Variants in UGT1A9 observed in about 807,000 individuals in gnomAD.
UGT1A9 encodes the protein UDP-glucuronosyltransferase 1A9.
Under a neutral mutation model 45.0 loss-of-function variants are expected in UGT1A9, and 35 were observed. The observed-to-expected ratio is 0.78, with a 90% CI of 0.59 to 1.03. The LOEUF (loss-of-function observed/expected upper bound fraction) is 1.03. Among genes scored for constraint, UGT1A9 ranks in the 50% least tolerant of loss-of-function variants. The pLI, the probability that UGT1A9 is intolerant of heterozygous loss-of-function variation, is 0.00. For missense variants in UGT1A9, 687 were observed against 666.6 expected, an observed-to-expected ratio of 1.03 and a Z score of -0.34; for synonymous variants, 278 against 250.6, an observed-to-expected ratio of 1.11 and a Z score of -1.03.
intron 1 of UGT1A9, among the ~76,000 whole-genome samples, chr2:233,739,223 T>C (rs1465216859): frequency 3.3e-5 from 5 of 152,316 alleles, no homozygotes; most frequent in African/African-American, 4.8e-5. Context: ...AGAGTCCTTA[T>C]AGAGAACCTC....
intron 1 of UGT1A9, among the ~76,000 whole-genome samples, chr2:233,764,312 GA>G (rs1174079806): frequency 1.3e-5 from 2 of 152,150 alleles, no homozygotes; most frequent in East Asian, 3.8e-4. Flanking sequence ...AAGTTTAAGG[GA>G]AGCTTTGCCA....
intron 1 of UGT1A9, chr2:233,690,424 A>C (rs1327436019): frequency 8.0e-7 from 1 of 1,244,126 alleles, no homozygotes; most frequent in African/African-American, 1.5e-5. Flanking sequence ...ACCTTCATGC[A>C]CATCTTTGGG....
chr2:233,727,866 T>C (rs1246200452), intron 1 of UGT1A9, among the ~76,000 whole-genome samples: 1 of 152,128 alleles, frequency 6.6e-6, no homozygotes, highest in Non-Finnish European at 1.5e-5. Context: ...AAGGGAAGCC[T>C]CAGCCTCACC....
chr2:233,748,167 T>C, intron 1 of UGT1A9: 1 of 1,593,478 alleles, frequency 6.3e-7, no homozygotes, highest in Admixed American at 1.7e-5. Flanking sequence ...CCATATCTAC[T>C]TATCTTTCTG....
rs555995846 is a variant in UGT1A9, at chr2:233,672,242, G to C, written c.308G>C (p.Arg103Pro). ...FAHAQWKAQV[R>P]SIYSLLMGSY... ...CATGCTCAATGGAAAGCACAAGTACGAAGTATATATTCTCTATTAATGGGT... is the reference window on the plus strand; with the variant it reads ...CATGCTCAATGGAAAGCACAAGTACCAAGTATATATTCTCTATTAATGGGT... Residue 103 changes from arginine to proline, a missense_variant, in exon 1 of 5, where the codon CGA becomes CCA. Transcript: ENST00000354728. 1.2e-6 allele frequency: 2 copies of C among 1,614,052 alleles called. No homozygotes were observed. Among genetic ancestry groups the C allele is most frequent in the African/African-American group, 1.3e-5 (1 of 74,920 alleles).
At chr2:233,718,407 A>G (rs1424568880) in intron 1 of UGT1A9, among the ~76,000 whole-genome samples, 1 of 152,254 alleles carries the variant, frequency 6.6e-6, no homozygotes, top group African/African-American at 2.4e-5. Flanking sequence ...ATAGCGTCAC[A>G]TTCAGCAGAG....
intron 1 of UGT1A9, among the ~76,000 whole-genome samples, chr2:233,711,601 C>T (rs185037582): frequency 2.0e-5 from 3 of 152,298 alleles, no homozygotes; most frequent in Admixed American, 1.3e-4. Context: ...TTCCTGCCTG[C>T]GCCCTCTGGT....
At chr2:233,755,317 G>C (rs1457699650) in intron 1 of UGT1A9, 17 of 525,588 alleles carry the variant, frequency 3.2e-5, no homozygotes, top group Non-Finnish European at 5.3e-5. Context: ...CGAGCGGCAA[G>C]GCTGCCAGCA....
intron 1 of UGT1A9, among the ~76,000 whole-genome samples, chr2:233,742,165 C>A (rs1314313900): frequency 2.0e-5 from 3 of 151,916 alleles, no homozygotes; most frequent in Non-Finnish European, 2.9e-5. Context: ...AAGACACACA[C>A]ACAGAAATAT....
At position 233,690,644 on chromosome 2, in the gene UGT1A9, G is replaced by A. The variant is rs1194432468; in HGVS notation, c.855+17855G>A. The A allele has an allele frequency of 2.3e-6, 3 of 1,287,608 alleles. No individual in the cohort carries two copies. In the Admixed American group the frequency reaches 6.9e-5, roughly 30 times the overall value. The allele number at this position is 1,287,608 out of a possible 1,614,324, so 79.8% of individuals were successfully genotyped here. The stretch of plus-strand genomic sequence containing the variant: ...CTCAAGTGATACCTGAGGACACCTT[G>A]ACTCCTACAGCACCAACCAGGGCAG... On this transcript the variant is annotated intron_variant, in intron 1 of 4. Coordinates refer to ENST00000354728, the MANE Select transcript of UGT1A9 (RefSeq NM_021027.3).
chr2:233,704,871 C>T (rs2075811084), intron 1 of UGT1A9, among the ~76,000 whole-genome samples: 1 of 152,170 alleles, frequency 6.6e-6, no homozygotes, highest in African/African-American at 2.4e-5. Context: ...CGGTGGCTCA[C>T]TCCTGTAATC....
At chr2:233,731,308 T>G (rs962546362) in intron 1 of UGT1A9, among the ~76,000 whole-genome samples, 3 of 151,716 alleles carry the variant, frequency 2.0e-5, no homozygotes, top group African/African-American at 7.3e-5. Context: ...TATTATACTT[T>G]AAGTTCTAGG....
At chr2:233,760,016 C>G (rs1456599640) in intron 1 of UGT1A9, among the ~76,000 whole-genome samples, 1 of 152,148 alleles carries the variant, frequency 6.6e-6, no homozygotes, top group African/African-American at 2.4e-5. Flanking sequence ...TTTAATGGAT[C>G]CTGAGGTTCT....
At chr2:233,679,973 G>T (rs1378862752) in intron 1 of UGT1A9, among the ~76,000 whole-genome samples, 1 of 152,174 alleles carries the variant, frequency 6.6e-6, no homozygotes, top group Non-Finnish European at 1.5e-5. Flanking sequence ...CATAGCTGCA[G>T]CAATGTCTTC....
Position 233,772,748 on chromosome 2 carries a change from T to C in UGT1A9, c.*189T>C. 7.0e-7 allele frequency: 1 copy of C among 1,420,206 alleles called. No individual in the cohort carries two copies. The highest frequency in any genetic ancestry group is 9.2e-7 in the Non-Finnish European group (1 of 1,083,550). The allele number at this position is 1,420,206 out of a possible 1,614,324, so 88.0% of individuals were successfully genotyped here. A position where few individuals can be genotyped will look rare whatever the true frequency, so the allele number is the denominator to read the frequency against. ...AGACTCGCTAGTCAGTAAAGATATT[T>C]GAATATGTATCGTGCCCCCTCTGGT... On this transcript the variant is annotated 3_prime_UTR_variant, in exon 5 of 5. Transcript: ENST00000354728.
At chr2:233,699,179 A>C (rs1050199722) in intron 1 of UGT1A9, among the ~76,000 whole-genome samples, 1 of 151,668 alleles carries the variant, frequency 6.6e-6, no homozygotes, top group Non-Finnish European at 1.5e-5. Context: ...TCTGATCCTC[A>C]CTTCTTCTTC....
chr2:233,740,163 G>T (rs1258097121), intron 1 of UGT1A9, among the ~76,000 whole-genome samples: 1 of 151,848 alleles, frequency 6.6e-6, no homozygotes, highest in Non-Finnish European at 1.5e-5. Flanking sequence ...CCCCAGTCAT[G>T]TGGAACTGTG....
At chr2:233,747,810 A>G (rs1693783178) in intron 1 of UGT1A9, 1 of 1,613,368 alleles carries the variant, frequency 6.2e-7, no homozygotes, top group South Asian at 1.1e-5. Flanking sequence ...GTTACTAACG[A>G]CCAATTCAGA....
At chr2:233,725,001 G>A (rs1276972399) in intron 1 of UGT1A9, among the ~76,000 whole-genome samples, 4 of 134,004 alleles carry the variant, frequency 3.0e-5, no homozygotes, top group Non-Finnish European at 6.0e-5. Context: ...GCTGGAGACC[G>A]GCCCGGCCAA....
Sources: allele counts gnomAD v4.1 joint callset (sites outside exome capture counted in the v4.1 genomes callset), GRCh38; gene constraint gnomAD v4.1.1; transcripts MANE v1.5; gene names NCBI Gene and HGNC (gene_info 2026-07-23, HGNC 2026-07-21).